Variants in SBF1 observed in about 807,000 individuals in gnomAD.
The protein encoded by SBF1 is SET binding factor 1, also known as myotubularin-related protein 5.
A neutral mutation model predicts 215.8 loss-of-function variants in SBF1; 65 were observed. The ratio of observed to expected loss-of-function variants is 0.30; its 90% confidence interval spans 0.25 to 0.37. SBF1 has a LOEUF of 0.37. SBF1 is among the 10% of genes least tolerant of loss of function. The probability of loss-of-function intolerance (pLI) is 1.00; values close to 1 mark genes in which losing one functional copy is unlikely to be tolerated. For missense variants in SBF1, 2,634 were observed against 2,667.8 expected (o/e 0.99, Z 0.28); for synonymous variants, 1,410 against 1,122.8 (o/e 1.26, Z -5.11).
chr22:50,469,953 G>A (rs1166717594), intron 1 of SBF1, among the ~76,000 whole-genome samples: 1 of 152,186 alleles, frequency 6.6e-6, no homozygotes, highest in African/African-American at 2.4e-5. Flanking sequence ...GGGGCGGTGA[G>A]GGGCCGATTC....
Position 50,466,687 on chromosome 22 carries a change from AC to A in SBF1, c.572del (p.Gly191ValfsTer28). 1 of 1,544,936 alleles carries A rather than the reference AC, an allele frequency of 6.5e-7. No homozygotes were observed. Among genetic ancestry groups the A allele is most frequent in the African/African-American group, 1.4e-5 (1 of 73,046 alleles). ...GSQRTISLGA[G>X]DRQVIQTPLA... ...GTGGAGTCTGGATGACCTGCCGGTC[AC>A]CAGCCCCCAAAGAGATCGTCCTCTG... On this transcript the variant is annotated frameshift_variant, in exon 6 of 41. Transcript: ENST00000380817. LOFTEE classifies it high-confidence loss of function.
At position 50,464,858 on chromosome 22, in the gene SBF1, C is replaced by G. The variant is rs2148597547; in HGVS notation, c.1392G>C (p.Leu464=). 1.9e-6 allele frequency: 3 copies of G among 1,613,686 alleles called. No individual in the cohort carries two copies. The highest frequency in any genetic ancestry group is 1.7e-6 in the Non-Finnish European group (2 of 1,180,022). Residue 464 remains leucine (L), a synonymous_variant, in exon 13 of 41, where the codon CTG becomes CTC. Coordinates refer to ENST00000380817, the MANE Select transcript of SBF1 (RefSeq NM_002972.4). Reference sequence around the variant, plus strand: ...GCTCTGCCAGTTCCTGGACGTGACGCAGGACACGCTGGGGGTGGTTCTCAT... The same window carrying G: ...GCTCTGCCAGTTCCTGGACGTGACGGAGGACACGCTGGGGGTGGTTCTCAT... ...RADENHPQRV[L]RHVQELAEQL...
chr22:50,474,849 A>T lies in SBF1; in HGVS notation c.-9T>A. The T allele has an allele frequency of 7.1e-7, 1 of 1,413,278 alleles. No homozygotes were observed. Among genetic ancestry groups the T allele is most frequent in the South Asian group, 1.4e-5 (1 of 72,672 alleles). The allele number at this position is 1,413,278 out of a possible 1,614,324, so 87.5% of individuals were successfully genotyped here. ...TCCGCGAGCCGCGCCATGGCGAGGG[A>T]CGCGGGGCGGCCCGAGGGGCGCGGG... is the stretch of plus-strand genomic sequence containing the variant. On this transcript the variant is annotated 5_prime_UTR_variant, in exon 1 of 41. Transcript: ENST00000380817.
In SBF1 at chr22:50,466,322, G is replaced by A. The variant is rs368724325; in HGVS notation, c.788+28C>T. 2,296 of 1,601,148 alleles carry A rather than the reference G, an allele frequency of 1.4e-3. 4 individuals carry two copies. The highest frequency in any genetic ancestry group is 1.8e-3 in the Non-Finnish European group (2,126 of 1,173,854). ...CGGCTGGGCAAAGGGGCCAGGAGAA[G>A]GGGCTGGGAGGGCCGGGCAGGGGTC... is the stretch of plus-strand genomic sequence containing the variant. On this transcript the variant is annotated intron_variant, in intron 7 of 40. Transcript: ENST00000380817.
rs756835191 is a variant in SBF1, at chr22:50,454,467, AG to A, written c.5043+44del. The A allele has an allele frequency of 2.0e-6, 3 of 1,521,404 alleles. No homozygotes were observed. In the South Asian group the frequency reaches 3.4e-5, roughly 17 times the overall value. The allele number at this position is 1,521,404 out of a possible 1,614,324, so 94.2% of individuals were successfully genotyped here. A position where few individuals can be genotyped will look rare whatever the true frequency, so the allele number is the denominator to read the frequency against. ...CGCACGACCCTGGTGTCTGAGCGAG[AG>A]GAGGGGGGTGCCAGGCCAGACCCTG... On this transcript the variant is annotated intron_variant, in intron 36 of 40. Coordinates refer to ENST00000380817, the MANE Select transcript of SBF1 (RefSeq NM_002972.4).
At chr22:50,455,945 C>G in intron 31 of SBF1, 2 of 557,426 alleles carry the variant, frequency 3.6e-6, no homozygotes, top group Non-Finnish European at 6.3e-6. Context: ...AAACTGCATC[C>G]CCCGTGTGGT....
intron 36 of SBF1, 95 bp from the exon 37 acceptor site, chr22:50,448,745 G>T: frequency 2.0e-6 from 2 of 998,312 alleles, no homozygotes; most frequent in South Asian, 1.4e-5. Flanking sequence ...AGACACAACG[G>T]AAAGGCCTAA....
At chr22:50,468,733 G>A (rs2067884819) in intron 1 of SBF1, among the ~76,000 whole-genome samples, 1 of 152,024 alleles carries the variant, frequency 6.6e-6, no homozygotes, top group Admixed American at 6.6e-5. Context: ...GCTTCACACA[G>A]CACAGCAGCC....
In SBF1 at chr22:50,469,699, G is replaced by A. The variant is rs540673677; in HGVS notation, c.56-1238C>T. On this transcript the variant is annotated intron_variant, in intron 1 of 40. Transcript: ENST00000380817. Reference sequence around the variant, plus strand: ...CCTGGCGGAAGCAGCAGAGCCAGATGGGCAAGGCGGGGGTCATGCTCAACA... The same window carrying A: ...CCTGGCGGAAGCAGCAGAGCCAGATAGGCAAGGCGGGGGTCATGCTCAACA... 4.6e-5 allele frequency among the ~76,000 whole-genome samples: 7 copies of A among 152,286 alleles called. No homozygotes were observed. In the East Asian group the frequency reaches 1.2e-3, roughly 25 times the overall value.
intron 36 of SBF1, among the ~76,000 whole-genome samples, chr22:50,449,652 A>ACACC (rs1556417456): frequency 6.8e-6 from 1 of 147,932 alleles, no homozygotes; most frequent in Non-Finnish European, 1.5e-5. Flanking sequence ...ACACACACAC[A>ACACC]CACACCCCAA....
Position 50,460,712 on chromosome 22 carries a change from G to C in SBF1, c.2968C>G (p.Leu990Val). 2 of 1,612,414 alleles carry C rather than the reference G, an allele frequency of 1.2e-6. No homozygotes were observed. The highest frequency in any genetic ancestry group is 2.2e-5 in the South Asian group (2 of 91,022). Reference protein sequence around the residue: ...GLQLRSCTFQLLKMAFDEEVG... With the variant: ...GLQLRSCTFQVLKMAFDEEVG... ...TCCTCGTCAAAGGCCATTTTCAGCA[G>C]CTGTGTCAGTAAAAGCAGCCCTTAG... Residue 990 changes from leucine to valine, a missense_variant and splice_region_variant, in exon 24 of 41, where the codon CTG (leucine) becomes GTG (valine). Transcript: ENST00000380817.
intron 1 of SBF1, 137 bp downstream of exon 1, chr22:50,474,648 GC>G: frequency 2.0e-6 from 1 of 495,404 alleles, no homozygotes; most frequent in African/African-American, 2.3e-5. Flanking sequence ...TCAGCGCCCG[GC>G]CCTCAGTCCT....
At position 50,447,684 on chromosome 22, in the gene SBF1, C is replaced by G. The variant is rs556006802; in HGVS notation, c.5364-75G>C. ...AGCCCAGGCCCCAGCAGTCGTCCCCCCCTTGCTGTCCCAGCCCAGGAGGTA... is the reference window on the plus strand; with the variant it reads ...AGCCCAGGCCCCAGCAGTCGTCCCCGCCTTGCTGTCCCAGCCCAGGAGGTA... On this transcript the variant is annotated intron_variant, in intron 38 of 40. Coordinates refer to ENST00000380817, the MANE Select transcript of SBF1 (RefSeq NM_002972.4). The G allele has an allele frequency of 1.9e-4, 204 of 1,074,770 alleles. No individual in the cohort carries two copies. The East Asian group carries it at 4.1e-3, about 21-fold the overall frequency. 66.6% of individuals were successfully genotyped at this position (1,074,770 alleles called of 1,614,324 possible). A position where few individuals can be genotyped will look rare whatever the true frequency, so the allele number is the denominator to read the frequency against.
chr22:50,467,964 T>A, intron 2 of SBF1, 41 bp from the exon 3 acceptor site: 1 of 1,606,480 alleles, frequency 6.2e-7, no homozygotes, highest in Non-Finnish European at 8.5e-7. Context: ...CCCCTACACC[T>A]GTGGCAGGAA....
At chr22:50,449,507 C>T (rs972374021) in intron 36 of SBF1, among the ~76,000 whole-genome samples, 6 of 151,844 alleles carry the variant, frequency 4.0e-5, no homozygotes, top group African/African-American at 1.5e-4. Context: ...CCCAACTACT[C>T]AGGAAGCTGA....
intron 6 of SBF1, 61 bp from the exon 7 acceptor site, chr22:50,466,543 C>A: frequency 1.3e-6 from 2 of 1,529,336 alleles, no homozygotes. Flanking sequence ...GAGTGAGAAC[C>A]CACATCCCTA....
intron 9 of SBF1, 30 bp from the exon 10 acceptor site, chr22:50,465,870 C>T (rs1256844759): frequency 6.2e-7 from 1 of 1,612,654 alleles, no homozygotes; most frequent in Admixed American, 1.7e-5. Flanking sequence ...CAGGCAGCTG[C>T]ACGCTGGCCC....
Position 50,454,749 on chromosome 22 carries a change from GTGGGCCTGTGGT to G in SBF1, c.4813-19_4813-8del, listed in dbSNP as rs1243511923. 2 of 1,586,812 alleles carry G rather than the reference GTGGGCCTGTGGT, an allele frequency of 1.3e-6. No homozygotes were observed. The highest frequency in any genetic ancestry group is 2.3e-5 in the South Asian group (2 of 87,166). ...TGCTGTAGGGCCGCAGGACCTGAGG[GTGGGCCTGTGGT>G]TGAGGACCTGGGTCGGGCAGGAGCC... On this transcript the variant is annotated splice_region_variant and splice_polypyrimidine_tract_variant and intron_variant, in intron 35 of 40. Transcript: ENST00000380817.
intron 17 of SBF1, 39 bp downstream of exon 17, chr22:50,462,831 G>T: frequency 4.4e-6 from 7 of 1,607,788 alleles, no homozygotes; most frequent in South Asian, 2.2e-5. Flanking sequence ...ACCAGGAAGG[G>T]GGGGCTGGGA....
Sources: gnomAD v4.1 joint callset for allele counts (sites outside exome capture counted in the v4.1 genomes callset) on GRCh38, gnomAD v4.1.1 for gene constraint, MANE v1.5 for transcripts, NCBI Gene and HGNC (gene_info 2026-07-23, HGNC 2026-07-21) for gene names.